EPHA3: variants seen among roughly 807,000 people sequenced by gnomAD.
The protein encoded by EPHA3 is ephrin type-A receptor 3.
Under a neutral mutation model 107.1 loss-of-function variants are expected in EPHA3, and 42 were observed. The ratio of observed to expected loss-of-function variants is 0.39; its 90% confidence interval spans 0.31 to 0.51. The LOEUF (loss-of-function observed/expected upper bound fraction) is 0.51. Among genes scored for constraint, EPHA3 ranks in the 20% least tolerant of loss-of-function variants. The probability of loss-of-function intolerance (pLI) is 0.78; values close to 1 mark genes in which losing one functional copy is unlikely to be tolerated. For synonymous variants in EPHA3, 461 were observed against 424.8 expected, an observed-to-expected ratio of 1.09 and a Z score of -1.05; for missense variants, 1,183 against 1,211.2, an observed-to-expected ratio of 0.98 and a Z score of 0.35.
chr3:89,426,898 A>C (rs1316321747), intron 11 of EPHA3, among the ~76,000 whole-genome samples: 1 of 151,880 alleles, frequency 6.6e-6, no homozygotes, highest in Non-Finnish European at 1.5e-5. Flanking sequence ...TTATTCATTC[A>C]TTTCATTTCA....
intron 3 of EPHA3, among the ~76,000 whole-genome samples, chr3:89,219,376 TG>T (rs1704293546): frequency 2.0e-5 from 3 of 152,192 alleles, no homozygotes; most frequent in Admixed American, 6.5e-5. Flanking sequence ...TTGGTCAGGC[TG>T]GTCTCAAACT....
At chr3:89,216,120 T>C (rs1226886024) in intron 3 of EPHA3, among the ~76,000 whole-genome samples, 2 of 148,298 alleles carry the variant, frequency 1.3e-5, no homozygotes, top group Non-Finnish European at 3.0e-5. Flanking sequence ...TTGGGAAACA[T>C]AAATAATGTG....
chr3:89,212,540 T>C (rs184734798), intron 3 of EPHA3, among the ~76,000 whole-genome samples: 3 of 152,166 alleles, frequency 2.0e-5, no homozygotes, highest in East Asian at 1.9e-4. Context: ...GTTTTCTCTT[T>C]TTAAGATTGG....
chr3:89,228,878 A>G (rs1704562204), intron 3 of EPHA3, among the ~76,000 whole-genome samples: 4 of 151,914 alleles, frequency 2.6e-5, no homozygotes, highest in Admixed American at 2.0e-4. Flanking sequence ...ATTCACAGAG[A>G]CTTCCCAAGG....
chr3:89,453,901 G>A (rs912696723), intron 15 of EPHA3, among the ~76,000 whole-genome samples: 1 of 152,064 alleles, frequency 6.6e-6, no homozygotes, highest in Non-Finnish European at 1.5e-5. Flanking sequence ...AAAAGGCAGT[G>A]TCCCTCTATT....
chr3:89,325,083 T>G (rs1396158935), intron 3 of EPHA3, among the ~76,000 whole-genome samples: 3 of 152,174 alleles, frequency 2.0e-5, no homozygotes, highest in Admixed American at 1.3e-4. Flanking sequence ...GTACTATATT[T>G]TATTTATCCA....
rs745842942 is a variant in EPHA3 at position 89,380,355 on chromosome 3, C to CAT, written c.1307-15473_1307-15472dup. Among the ~76,000 whole-genome samples, 5 of 152,202 alleles carry CAT rather than the reference C, an allele frequency of 3.3e-5. No homozygotes were observed. In the East Asian group the frequency reaches 5.8e-4, roughly 18 times the overall value. ...ATGGAGCCACAGTTGAATCCATACA[C>CAT]ATATATATATGCATGCGTCTGTGTG... On this transcript the variant is annotated intron_variant, in intron 5 of 16. Coordinates refer to ENST00000336596, the MANE Select transcript of EPHA3 (RefSeq NM_005233.6).
intron 3 of EPHA3, among the ~76,000 whole-genome samples, chr3:89,321,161 GC>G (rs1484435562): frequency 6.6e-6 from 1 of 151,956 alleles, no homozygotes; most frequent in Non-Finnish European, 1.5e-5. Flanking sequence ...CAATTTGTTA[GC>G]TTTTTTTTAA....
chr3:89,418,552 C>CTTT (rs369207417), intron 10 of EPHA3, among the ~76,000 whole-genome samples: 1 of 147,648 alleles, frequency 6.8e-6, no homozygotes, highest in African/African-American at 2.5e-5. Flanking sequence ...ACATTGAAGA[C>CTTT]TTTTTTTTTT....
intron 2 of EPHA3, among the ~76,000 whole-genome samples, chr3:89,133,812 A>G (rs1357118013): frequency 6.6e-6 from 1 of 152,182 alleles, no homozygotes; most frequent in Non-Finnish European, 1.5e-5. Context: ...AGAAAACTGC[A>G]GTGGATCAGA....
Position 89,368,934 on chromosome 3 carries a change from C to T in EPHA3, c.1306+26844C>T, listed in dbSNP as rs191374961. Among the ~76,000 whole-genome samples the T allele has an allele frequency of 3.9e-3, 593 of 150,612 alleles. 14 individuals carry two copies. Among genetic ancestry groups the T allele is most frequent in the African/African-American group, 0.013 (557 of 41,356 alleles). ...AGCAACCATTAATTTTCCAGTTTTT[C>T]AATGTGGAAAACTGAGGCAAGGATG... On this transcript the variant is annotated intron_variant, in intron 5 of 16. Coordinates refer to ENST00000336596, the MANE Select transcript of EPHA3 (RefSeq NM_005233.6).
chr3:89,300,765 A>C lies in EPHA3; in HGVS notation c.815-40151A>C, dbSNP rs142810995. On this transcript the variant is annotated intron_variant, in intron 3 of 16. Transcript: ENST00000336596. Reference sequence around the variant, plus strand: ...CACTATAGTGTCTGCCATTTATTTTAATAAAGGATATCCTGTGTGGTGAGG... The same window carrying C: ...CACTATAGTGTCTGCCATTTATTTTCATAAAGGATATCCTGTGTGGTGAGG... 3.9e-5 allele frequency among the ~76,000 whole-genome samples: 6 copies of C among 152,098 alleles called. No homozygotes were observed. The East Asian group carries it at 1.2e-3, about 29-fold the overall frequency.
In EPHA3 at chr3:89,481,384, A is replaced by C; in HGVS notation, c.*1882A>C. The C allele has an allele frequency of 4.3e-6, 1 of 232,364 alleles. No individual in the cohort carries two copies. Among genetic ancestry groups the C allele is most frequent in the East Asian group, 6.1e-5 (1 of 16,372 alleles). The allele number at this position is 232,364 out of a possible 1,614,324, so 14.4% of individuals were successfully genotyped here. On this transcript the variant is annotated 3_prime_UTR_variant, in exon 17 of 17. Transcript: ENST00000336596. ...AAAATACACTTGTGATTATAAAATTAATCACAAATTTCACTTATACCTGCT... is the reference window on the plus strand; with the variant it reads ...AAAATACACTTGTGATTATAAAATTCATCACAAATTTCACTTATACCTGCT...
chr3:89,313,109 T>C (rs1326600732), intron 3 of EPHA3, among the ~76,000 whole-genome samples: 1 of 151,948 alleles, frequency 6.6e-6, no homozygotes, highest in African/African-American at 2.4e-5. Flanking sequence ...CCAGATATTA[T>C]TATTTTCCTT....
At chr3:89,397,041 G>A (rs1009505429) in intron 6 of EPHA3, among the ~76,000 whole-genome samples, 21 of 152,056 alleles carry the variant, frequency 1.4e-4, no homozygotes, top group Non-Finnish European at 2.6e-4. Context: ...CATGATAATA[G>A]ATCCTTATAA....
intron 5 of EPHA3, among the ~76,000 whole-genome samples, chr3:89,390,973 A>G (rs919573296): frequency 1.3e-5 from 2 of 151,608 alleles, no homozygotes; most frequent in Non-Finnish European, 2.9e-5. Context: ...TATTTTTAGT[A>G]GAGCCGGGTT....
At chr3:89,293,995 A>T (rs1220583556) in intron 3 of EPHA3, among the ~76,000 whole-genome samples, 3 of 152,174 alleles carry the variant, frequency 2.0e-5, no homozygotes, top group Admixed American at 1.3e-4. Context: ...ATGAAGTAGT[A>T]TACTTTTTCC....
rs186835870 is a variant in EPHA3 at position 89,283,187 on chromosome 3, A to G, written c.815-57729A>G. Among the ~76,000 whole-genome samples, 724 of 152,268 alleles carry G rather than the reference A, an allele frequency of 4.8e-3. 19 individuals carry two copies. Among genetic ancestry groups the G allele is most frequent in the Admixed American group, 0.044 (665 of 15,286 alleles). The stretch of plus-strand genomic sequence containing the variant: ...GGAAAGAATTTATTGTTGATGAATT[A>G]GAATCAACAGCAAAGTGAAAAAAGT... On this transcript the variant is annotated intron_variant, in intron 3 of 16. Transcript: ENST00000336596.
At chr3:89,339,105 A>G (rs1208421906) in intron 3 of EPHA3, among the ~76,000 whole-genome samples, 1 of 151,996 alleles carries the variant, frequency 6.6e-6, no homozygotes, top group African/African-American at 2.4e-5. Context: ...TGTGGCGGTG[A>G]CTCACGCCTG....
Sources: gnomAD v4.1 joint callset for allele counts (sites outside exome capture counted in the v4.1 genomes callset) on GRCh38, gnomAD v4.1.1 for gene constraint, MANE v1.5 for transcripts, NCBI Gene and HGNC (gene_info 2026-07-23, HGNC 2026-07-21) for gene names.